EPB41L4A: variants seen among roughly 807,000 people sequenced by gnomAD.
The protein encoded by EPB41L4A is erythrocyte membrane protein band 4.1 like 4A.
In EPB41L4A, 100 loss-of-function variants were observed where a neutral mutation model predicts 108.6. The observed-to-expected ratio is 0.92, with a 90% confidence interval of 0.78 to 1.09. The LOEUF (loss-of-function observed/expected upper bound fraction) is 1.09. Among genes scored for constraint, EPB41L4A ranks in the 50% least tolerant of loss-of-function variants. EPB41L4A has a pLI of 0.00. For synonymous variants in EPB41L4A, 319 were observed against 289.0 expected, an observed-to-expected ratio of 1.10 and a Z score of -1.05; for missense variants, 1,030 against 842.7, an observed-to-expected ratio of 1.22 and a Z score of -2.75.
intron 1 of EPB41L4A, among the ~76,000 whole-genome samples, chr5:112,350,063 A>G (rs1757943809): frequency 6.6e-6 from 1 of 152,254 alleles, no homozygotes; most frequent in Non-Finnish European, 1.5e-5. Context: ...TATGCAGTCC[A>G]ATAGAGCAGC....
chr5:112,306,784 GAA>G (rs1266940569), intron 2 of EPB41L4A, among the ~76,000 whole-genome samples: 2 of 151,952 alleles, frequency 1.3e-5, no homozygotes, highest in Non-Finnish European at 2.9e-5. Flanking sequence ...CCATTGTGGT[GAA>G]TTTCTTAGTA....
At chr5:112,242,931 G>A (rs1166237151) in intron 9 of EPB41L4A, among the ~76,000 whole-genome samples, 3 of 152,004 alleles carry the variant, frequency 2.0e-5, no homozygotes, top group Non-Finnish European at 4.4e-5. Context: ...TCACTAAGCC[G>A]GCCCAGGAGT....
chr5:112,172,268 T>C (rs1373061361), intron 18 of EPB41L4A, among the ~76,000 whole-genome samples: 1 of 152,186 alleles, frequency 6.6e-6, no homozygotes, highest in Non-Finnish European at 1.5e-5. Flanking sequence ...CCCAGCACTT[T>C]GGGAGGCCAA....
chr5:112,303,610 A>C (rs191872989), intron 2 of EPB41L4A, among the ~76,000 whole-genome samples: 2 of 152,310 alleles, frequency 1.3e-5, no homozygotes, highest in East Asian at 1.9e-4. Flanking sequence ...CCAGAAGAAC[A>C]AAATGAGAAG....
chr5:112,356,597 C>T (rs1975017), intron 1 of EPB41L4A, among the ~76,000 whole-genome samples: 132,817 of 152,224 alleles, frequency 0.87, 58,071 homozygotes, highest in South Asian at 0.96. Context: ...AAATACACTT[C>T]TGCATTATTG....
intron 12 of EPB41L4A, among the ~76,000 whole-genome samples, chr5:112,227,678 A>G (rs1580474212): frequency 6.6e-6 from 1 of 152,188 alleles, no homozygotes; most frequent in Non-Finnish European, 1.5e-5. Context: ...CACAGATTTG[A>G]CTGCCACAAG....
chr5:112,304,170 T>G (rs1754548858), intron 2 of EPB41L4A, among the ~76,000 whole-genome samples: 1 of 152,168 alleles, frequency 6.6e-6, no homozygotes, highest in Non-Finnish European at 1.5e-5. Context: ...ATCTGTGTGC[T>G]TCACACATTC....
chr5:112,419,148 G>A lies in EPB41L4A; in HGVS notation c.-109C>T, dbSNP rs1359286146. 3 of 826,692 alleles carry A rather than the reference G, an allele frequency of 3.6e-6. No homozygotes were observed. The highest frequency in any genetic ancestry group is 5.9e-6 in the Non-Finnish European group (3 of 506,566). The allele number at this position is 826,692 out of a possible 1,614,324, so 51.2% of individuals were successfully genotyped here. ...ATTTATTGTCCGCGCCGTGGCGAGG[G>A]TGAGACGAGCAGCTCCCGGCGGGGT... On this transcript the variant is annotated 5_prime_UTR_variant, in exon 1 of 23. Transcript: ENST00000261486.
chr5:112,302,042 A>G (rs1754394789), intron 2 of EPB41L4A, among the ~76,000 whole-genome samples: 1 of 152,142 alleles, frequency 6.6e-6, no homozygotes, highest in Non-Finnish European at 1.5e-5. Context: ...AAGGTAGATG[A>G]AGAGTACAAA....
At chr5:112,378,314 C>T (rs1759951374) in intron 1 of EPB41L4A, among the ~76,000 whole-genome samples, 1 of 152,132 alleles carries the variant, frequency 6.6e-6, no homozygotes, top group African/African-American at 2.4e-5. Flanking sequence ...TTTAGTCACT[C>T]CTAAGAATGC....
chr5:112,313,934 G>A (rs551425222), intron 1 of EPB41L4A, among the ~76,000 whole-genome samples: 93 of 127,186 alleles, frequency 7.3e-4, no homozygotes, highest in African/African-American at 2.7e-3. Context: ...CGCAATCTCC[G>A]CTCACTGCAA....
intron 2 of EPB41L4A, among the ~76,000 whole-genome samples, chr5:112,289,548 G>C (rs1326232495): frequency 1.3e-5 from 2 of 152,184 alleles, no homozygotes; most frequent in African/African-American, 2.4e-5. Flanking sequence ...TGTCTTCTGA[G>C]ACTTGGTCAT....
intron 1 of EPB41L4A, among the ~76,000 whole-genome samples, chr5:112,367,115 A>G (rs1197160594): frequency 1.3e-5 from 2 of 152,124 alleles, no homozygotes; most frequent in Admixed American, 6.5e-5. Context: ...GGGACAATCA[A>G]TACTTGCTCC....
intron 13 of EPB41L4A, among the ~76,000 whole-genome samples, chr5:112,207,690 C>A (rs539041159): frequency 6.6e-6 from 1 of 152,276 alleles, no homozygotes; most frequent in East Asian, 1.9e-4. Flanking sequence ...CATCATTAAT[C>A]ATTCGAAAAA....
At chr5:112,244,581 C>G (rs1750070817) in intron 9 of EPB41L4A, among the ~76,000 whole-genome samples, 1 of 152,160 alleles carries the variant, frequency 6.6e-6, no homozygotes, top group Non-Finnish European at 1.5e-5. Flanking sequence ...TTATATAGGG[C>G]TCACAGATTG....
intron 1 of EPB41L4A, among the ~76,000 whole-genome samples, chr5:112,358,703 G>C (rs1352437126): frequency 1.3e-5 from 2 of 152,084 alleles, no homozygotes; most frequent in Non-Finnish European, 2.9e-5. Context: ...TCCACTTCTA[G>C]GTATACACAC....
At chr5:112,329,012 T>C (rs573700705) in intron 1 of EPB41L4A, among the ~76,000 whole-genome samples, 5 of 152,340 alleles carry the variant, frequency 3.3e-5, no homozygotes, top group African/African-American at 1.2e-4. Context: ...TCAAAGCAAC[T>C]TGAACAGTGT....
intron 12 of EPB41L4A, among the ~76,000 whole-genome samples, chr5:112,230,504 T>C (rs1486564608): frequency 4.6e-5 from 7 of 152,204 alleles, no homozygotes; most frequent in East Asian, 3.8e-4. Context: ...TGTTTTCACA[T>C]GTTTGTTGGC....
intron 15 of EPB41L4A, chr5:112,196,532 C>T (rs1761974630): frequency 6.6e-6 from 1 of 152,240 alleles, no homozygotes; most frequent in Non-Finnish European, 1.5e-5. Flanking sequence ...TGGCTACTCT[C>T]CACCAGCTCT....
Sources: gnomAD v4.1 joint callset for allele counts (sites outside exome capture counted in the v4.1 genomes callset) on GRCh38, gnomAD v4.1.1 for gene constraint, MANE v1.5 for transcripts, NCBI Gene and HGNC (gene_info 2026-07-23, HGNC 2026-07-21) for gene names.